The following NUP133 variants were observed in gnomAD, a reference collection of about 807,000 sequenced individuals.
NUP133 encodes the protein nuclear pore complex protein Nup133.
Under a neutral mutation model 146.2 loss-of-function variants are expected in NUP133, and 66 were observed. The ratio of observed to expected loss-of-function variants is 0.45; its 90% confidence interval spans 0.37 to 0.55. The LOEUF is 0.55. Among genes scored for constraint, NUP133 ranks in the 20% least tolerant of loss-of-function variants. The pLI, the probability that NUP133 is intolerant of heterozygous loss-of-function variation, is 0.00. For synonymous variants in NUP133, 521 were observed against 498.8 expected (o/e 1.04, Z -0.59); for missense variants, 1,277 against 1,374.8 (o/e 0.93, Z 1.12).
intron 24 of NUP133, among the ~76,000 whole-genome samples, chr1:229,446,064 C>T (rs935471104): frequency 1.3e-5 from 2 of 152,126 alleles, no homozygotes; most frequent in Non-Finnish European, 2.9e-5. Context: ...AACATAAACA[C>T]CATTTCCATA....
intron 1 of NUP133, among the ~76,000 whole-genome samples, chr1:229,507,707 C>T (rs2102791210): frequency 6.6e-6 from 1 of 152,304 alleles, no homozygotes; most frequent in African/African-American, 2.4e-5. Flanking sequence ...TTCATAATAA[C>T]TCCTCTGGCT....
At position 229,459,877 on chromosome 1, in the gene NUP133, C is replaced by G. The variant is rs561610527; in HGVS notation, c.2844+734G>C. 3.9e-5 allele frequency among the ~76,000 whole-genome samples: 6 copies of G among 152,292 alleles called. No individual in the cohort carries two copies. In the South Asian group the frequency reaches 1.2e-3, roughly 32 times the overall value. Reference sequence around the variant, plus strand: ...ACTTCAACTCCTCTGGATATATACTCACAAGCGGGATTGCCAGATCATATG... The same window carrying G: ...ACTTCAACTCCTCTGGATATATACTGACAAGCGGGATTGCCAGATCATATG... On this transcript the variant is annotated intron_variant, in intron 20 of 25. Coordinates refer to ENST00000261396, the MANE Select transcript of NUP133 (RefSeq NM_018230.3).
chr1:229,477,447 A>AAC (rs1225026652), intron 13 of NUP133, 150 bp downstream of exon 13: 7 of 626,044 alleles, frequency 1.1e-5, no homozygotes, highest in Non-Finnish European at 1.7e-5. Flanking sequence ...CTCAAAAAAA[A>AAC]AAAAAAAAAG....
chr1:229,486,288 C>G, intron 11 of NUP133, 83 bp downstream of exon 11: 1 of 1,305,280 alleles, frequency 7.7e-7, no homozygotes, highest in Non-Finnish European at 1.0e-6. Context: ...TGCCACTGCA[C>G]TCTAGCCTGG....
At chr1:229,455,009 AT>A (rs1367654961) in intron 21 of NUP133, among the ~76,000 whole-genome samples, 6 of 152,238 alleles carry the variant, frequency 3.9e-5, no homozygotes, top group African/African-American at 1.4e-4. Flanking sequence ...TACCCTTGTT[AT>A]AGATGAACAA....
intron 13 of NUP133, among the ~76,000 whole-genome samples, chr1:229,477,221 C>T (rs1385063620): frequency 2.6e-5 from 4 of 151,842 alleles, no homozygotes; most frequent in South Asian, 2.1e-4. Flanking sequence ...GGGTGGATCA[C>T]GAGGTCAGGA....
chr1:229,480,094 G>A (rs188538123), intron 12 of NUP133, among the ~76,000 whole-genome samples: 1 of 152,200 alleles, frequency 6.6e-6, no homozygotes, highest in Non-Finnish European at 1.5e-5. Flanking sequence ...AGGAAGAAGA[G>A]TACACTTCCT....
Position 229,508,271 on chromosome 1 carries a change from G to A in NUP133, c.-22C>T. On this transcript the variant is annotated 5_prime_UTR_variant, in exon 1 of 26. Transcript: ENST00000261396. ...ACATGACTCCAAGGAGCAGCGACTA[G>A]GACAGCGAGGGATCTGGCCGTCAGG... 1.4e-6 allele frequency: 2 copies of A among 1,428,116 alleles called. No homozygotes were observed. The highest frequency in any genetic ancestry group is 9.2e-7 in the Non-Finnish European group (1 of 1,084,764). 88.5% of individuals were successfully genotyped at this position (1,428,116 alleles called of 1,614,324 possible). A position where few individuals can be genotyped will look rare whatever the true frequency, so the allele number is the denominator to read the frequency against.
At chr1:229,449,825 C>T (rs1392610096) in intron 23 of NUP133, among the ~76,000 whole-genome samples, 1 of 143,358 alleles carries the variant, frequency 7.0e-6, no homozygotes, top group East Asian at 2.0e-4. Flanking sequence ...GAAACAGCTA[C>T]TCTTAGGATG....
At chr1:229,459,059 T>C (rs12143267) in intron 20 of NUP133, among the ~76,000 whole-genome samples, 31,460 of 152,142 alleles carry the variant, frequency 0.21, 3,591 homozygotes, top group African/African-American at 0.29. Context: ...GGATACACAG[T>C]AATAATATAT....
chr1:229,446,169 G>A (rs1450794350), intron 24 of NUP133, among the ~76,000 whole-genome samples: 1 of 152,196 alleles, frequency 6.6e-6, no homozygotes, highest in Admixed American at 6.5e-5. Context: ...CACTTTGGGA[G>A]GCCGAGGCAG....
intron 18 of NUP133, 93 bp downstream of exon 18, chr1:229,464,531 T>C: frequency 7.0e-7 from 1 of 1,422,548 alleles, no homozygotes. Context: ...TACAGTTGGA[T>C]TAACACTACC....
chr1:229,507,930 G>A, intron 1 of NUP133, 138 bp downstream of exon 1: 1 of 1,263,088 alleles, frequency 7.9e-7, no homozygotes, highest in Non-Finnish European at 1.0e-6. Flanking sequence ...TGCAGCAGTG[G>A]AAAAGGTCTA....
At chr1:229,473,302 C>T (rs1416648763) in intron 14 of NUP133, among the ~76,000 whole-genome samples, 1 of 152,110 alleles carries the variant, frequency 6.6e-6, no homozygotes, top group Non-Finnish European at 1.5e-5. Flanking sequence ...TACCTTTTTC[C>T]TAATTATCAA....
chr1:229,500,662 T>TA, intron 4 of NUP133, 94 bp downstream of exon 4: 1 of 701,678 alleles, frequency 1.4e-6, no homozygotes, highest in Non-Finnish European at 2.4e-6. Flanking sequence ...TATAGGTTTA[T>TA]AGTTATATCT....
chr1:229,499,569 G>A (rs1661745851), intron 5 of NUP133, 115 bp downstream of exon 5: 2 of 1,131,064 alleles, frequency 1.8e-6, no homozygotes, highest in African/African-American at 1.6e-5. Flanking sequence ...AGGAGTTTGA[G>A]AATTGCCTGG....
At chr1:229,488,780 G>A (rs186437079) in intron 9 of NUP133, among the ~76,000 whole-genome samples, 4 of 152,074 alleles carry the variant, frequency 2.6e-5, no homozygotes, top group African/African-American at 9.6e-5. Flanking sequence ...GGAGGCTACC[G>A]TGCACTCTGA....
intron 4 of NUP133, among the ~76,000 whole-genome samples, chr1:229,500,359 G>T (rs1661766009): frequency 6.6e-6 from 1 of 151,918 alleles, no homozygotes; most frequent in South Asian, 2.1e-4. Context: ...TTTACATTTA[G>T]ATCTATGACC....
At chr1:229,468,794 G>A (rs2102761088) in intron 15 of NUP133, among the ~76,000 whole-genome samples, 1 of 152,260 alleles carries the variant, frequency 6.6e-6, no homozygotes, top group East Asian at 1.9e-4. Flanking sequence ...ACACAAAAAT[G>A]ACAACAACTT....
Sources: allele counts gnomAD v4.1 joint callset (sites outside exome capture counted in the v4.1 genomes callset), GRCh38; gene constraint gnomAD v4.1.1; transcripts MANE v1.5; gene names NCBI Gene and HGNC (gene_info 2026-07-23, HGNC 2026-07-21).